LVRN: variants seen among roughly 807,000 people sequenced by gnomAD.
The protein encoded by LVRN is laeverin.
LVRN carries 99 observed loss-of-function variants against 111.4 expected under a neutral mutation model. The observed-to-expected ratio is 0.89, with a 90% CI of 0.76 to 1.05. The LOEUF (loss-of-function observed/expected upper bound fraction) is 1.05, where lower values mean the gene tolerates loss of function less well. Ranked by LOEUF, LVRN falls within the 50% of genes least tolerant of loss-of-function variation. The pLI is 0.00. For missense variants in LVRN, 1,414 were observed against 1,206.8 expected, an observed-to-expected ratio of 1.17 and a Z score of -2.54; for synonymous variants, 488 against 449.5, an observed-to-expected ratio of 1.09 and a Z score of -1.08.
chr5:115,973,385 T>A (rs995273219), intron 1 of LVRN, among the ~76,000 whole-genome samples: 9 of 152,258 alleles, frequency 5.9e-5, no homozygotes, highest in African/African-American at 2.2e-4. Flanking sequence ...AATGTATTTG[T>A]CCAATTTTGA....
At chr5:115,976,607 G>A (rs1753454429) in intron 1 of LVRN, among the ~76,000 whole-genome samples, 1 of 152,206 alleles carries the variant, frequency 6.6e-6, no homozygotes, top group South Asian at 2.1e-4. Flanking sequence ...TTAATGCCAT[G>A]CCACAAATGA....
chr5:115,977,231 G>A lies in LVRN; in HGVS notation c.696-6056G>A, dbSNP rs906599200. On this transcript the variant is annotated intron_variant, in intron 1 of 19. Transcript: ENST00000357872. Reference sequence around the variant, plus strand: ...TTACCTCTTCTCTTATACTCTACTCGGCAAATTCTAGCTGTCTAGGTGTCC... The same window carrying A: ...TTACCTCTTCTCTTATACTCTACTCAGCAAATTCTAGCTGTCTAGGTGTCC... Among the ~76,000 whole-genome samples, 4 of 152,136 alleles carry A rather than the reference G, an allele frequency of 2.6e-5. 1 individual carries two copies. The highest frequency in any genetic ancestry group is 4.2e-4 in the South Asian group (2 of 4,788).
chr5:116,017,972 A>G (rs1748636609), intron 18 of LVRN, among the ~76,000 whole-genome samples: 1 of 152,164 alleles, frequency 6.6e-6, no homozygotes, highest in South Asian at 2.1e-4. Flanking sequence ...TTAAAATAAC[A>G]TGTTTAGTCT....
chr5:116,002,901 T>C lies in LVRN; in HGVS notation c.1887T>C (p.Asp629=). 6.2e-7 allele frequency: 1 copy of C among 1,605,420 alleles called. No homozygotes were observed. Among genetic ancestry groups the C allele is most frequent in the East Asian group, 2.2e-5 (1 of 44,708 alleles). The change falls in exon 11 of 20, where the codon GAT becomes GAC. Residue 629 remains aspartate (D), a synonymous_variant. Transcript: ENST00000357872. ...NGTTQPLVWL[D]QSSKVFPEMQ... ...CTACACAACCTTTAGTCTGGCTAGA[T>C]CAAAGCAGCAGTAAGTAACAAATTT...
At chr5:115,988,332 GTT>G (rs36043607) in intron 4 of LVRN, among the ~76,000 whole-genome samples, 105 of 148,104 alleles carry the variant, frequency 7.1e-4, no homozygotes, top group African/African-American at 2.1e-3. Flanking sequence ...CCTTTAGTAA[GTT>G]TTTTTTTTTT....
At chr5:115,994,216 T>C (rs1307329656) in intron 6 of LVRN, among the ~76,000 whole-genome samples, 1 of 152,194 alleles carries the variant, frequency 6.6e-6, no homozygotes, top group Non-Finnish European at 1.5e-5. Flanking sequence ...CACTTATTCC[T>C]ACTACATATA....
At chr5:116,020,887 A>G (rs1438270757) in intron 18 of LVRN, 1 of 152,262 alleles carries the variant, frequency 6.6e-6, no homozygotes, top group East Asian at 1.9e-4. Context: ...TCAACTTTTT[A>G]GAAAGGATTA....
chr5:115,993,164 T>G (rs1296896541), intron 5 of LVRN, among the ~76,000 whole-genome samples: 1 of 152,014 alleles, frequency 6.6e-6, no homozygotes, highest in Non-Finnish European at 1.5e-5. Context: ...ATCATTGTTT[T>G]TCTTTCCTAA....
intron 19 of LVRN, among the ~76,000 whole-genome samples, chr5:116,024,502 C>G (rs991636490): frequency 1.5e-4 from 23 of 152,218 alleles, no homozygotes; most frequent in African/African-American, 5.3e-4. Context: ...GCTGAGCTGT[C>G]AGGATCTGAT....
intron 1 of LVRN, chr5:115,975,061 T>G: frequency 3.1e-6 from 1 of 326,072 alleles, no homozygotes; most frequent in Non-Finnish European, 6.0e-6. Context: ...TCATTATATT[T>G]GCTTCACTAA....
At chr5:116,010,463 A>C (rs1272085906) in intron 13 of LVRN, 1 of 487,010 alleles carries the variant, frequency 2.1e-6, no homozygotes, top group African/African-American at 2.0e-5. Context: ...AGAATGCATA[A>C]CTCTTCTATT....
intron 4 of LVRN, 76 bp downstream of exon 4, chr5:115,988,015 G>A: frequency 2.6e-6 from 4 of 1,529,288 alleles, no homozygotes; most frequent in Non-Finnish European, 3.5e-6. Flanking sequence ...AAGATACACA[G>A]ACAAACCCAT....
intron 4 of LVRN, among the ~76,000 whole-genome samples, chr5:115,990,290 C>T (rs537609175): frequency 6.6e-6 from 1 of 152,120 alleles, no homozygotes; most frequent in Non-Finnish European, 1.5e-5. Flanking sequence ...TATGCCTATA[C>T]CAATATTAAT....
chr5:116,011,293 T>G (rs75948701), intron 14 of LVRN, among the ~76,000 whole-genome samples: 1,992 of 152,016 alleles, frequency 0.013, 45 homozygotes, highest in African/African-American at 0.046. Context: ...GTTTATAATT[T>G]CAATATTCTG....
intron 10 of LVRN, among the ~76,000 whole-genome samples, chr5:116,001,848 A>G (rs970650072): frequency 6.6e-6 from 1 of 152,238 alleles, no homozygotes; most frequent in African/African-American, 2.4e-5. Context: ...TGCCTTATCT[A>G]TAAAATACAT....
intron 1 of LVRN, among the ~76,000 whole-genome samples, chr5:115,972,813 G>T (rs890968345): frequency 6.6e-6 from 1 of 152,028 alleles, no homozygotes; most frequent in African/African-American, 2.4e-5. Context: ...ATCAGGAATG[G>T]ATGTCATATT....
Position 116,014,561 on chromosome 5 carries a change from T to C in LVRN, c.2450+34T>C. 4 of 1,560,146 alleles carry C rather than the reference T, an allele frequency of 2.6e-6. No homozygotes were observed. In the South Asian group the frequency reaches 4.5e-5, roughly 17 times the overall value. Reference sequence around the variant, plus strand: ...AATATCATAATTCCTCTTGTTTTTGTCCTATTTTAGCACCAGCAATTTCCC... The same window carrying C: ...AATATCATAATTCCTCTTGTTTTTGCCCTATTTTAGCACCAGCAATTTCCC... On this transcript the variant is annotated intron_variant, in intron 16 of 19. Transcript: ENST00000357872.
At chr5:116,010,550 GA>G (rs1468211063) in intron 13 of LVRN, 190 bp from the exon 14 acceptor site, 2 of 653,764 alleles carry the variant, frequency 3.1e-6, no homozygotes, top group South Asian at 3.0e-5. Context: ...GTACCAAATT[GA>G]AATGGAAGGA....
chr5:116,027,184 C>T lies in LVRN; in HGVS notation c.*1066C>T, dbSNP rs903719688. Reference sequence around the variant, plus strand: ...CTTGATTAAAACAAGACAACTAAAGCTAATCATTCCTCTTCTAGACTTTGT... The same window carrying T: ...CTTGATTAAAACAAGACAACTAAAGTTAATCATTCCTCTTCTAGACTTTGT... On this transcript the variant is annotated 3_prime_UTR_variant, in exon 20 of 20. Transcript: ENST00000357872. 1 of 152,292 alleles carries T rather than the reference C, an allele frequency of 6.6e-6. No individual in the cohort carries two copies. The highest frequency in any genetic ancestry group is 1.9e-4 in the East Asian group (1 of 5,188). The allele number at this position is 152,292 out of a possible 1,614,324, so 9.4% of individuals were successfully genotyped here. A position where few individuals can be genotyped will look rare whatever the true frequency, so the allele number is the denominator to read the frequency against.
Sources: gnomAD v4.1 joint callset for allele counts (sites outside exome capture counted in the v4.1 genomes callset) on GRCh38, gnomAD v4.1.1 for gene constraint, MANE v1.5 for transcripts, NCBI Gene and HGNC (gene_info 2026-07-23, HGNC 2026-07-21) for gene names.